The following GRM5 variants were observed in gnomAD, a reference collection of about 807,000 sequenced individuals.
The protein encoded by GRM5 is metabotropic glutamate receptor 5.
A neutral mutation model predicts 83.1 loss-of-function variants in GRM5; 19 were observed. That is an observed-to-expected ratio of 0.23 (90% confidence interval 0.16 to 0.34). The LOEUF (loss-of-function observed/expected upper bound fraction) is 0.34, where lower values mean the gene tolerates loss of function less well. Ranked by LOEUF, GRM5 falls within the 10% of genes least tolerant of loss-of-function variation. GRM5 has a pLI of 1.00. For missense variants in GRM5, 1,160 were observed against 1,588.3 expected (o/e 0.73, Z 4.58); for synonymous variants, 675 against 633.6 (o/e 1.07, Z -0.98).
chr11:88,934,922 G>A (rs988231910), intron 2 of GRM5, among the ~76,000 whole-genome samples: 1 of 151,904 alleles, frequency 6.6e-6, no homozygotes, highest in Non-Finnish European at 1.5e-5. Flanking sequence ...CAAATTCTAT[G>A]ATCTAAAGCT....
At chr11:89,042,158 T>C (rs1941550755) in intron 2 of GRM5, among the ~76,000 whole-genome samples, 2 of 152,148 alleles carry the variant, frequency 1.3e-5, no homozygotes, top group Admixed American at 1.3e-4. Flanking sequence ...AATTCTCCTG[T>C]GAAGGCTAAT....
chr11:88,693,609 G>A (rs1028075103), intron 3 of GRM5, among the ~76,000 whole-genome samples: 1 of 152,156 alleles, frequency 6.6e-6, no homozygotes, highest in Non-Finnish European at 1.5e-5. Flanking sequence ...ACCGATCACG[G>A]TACTAGGAGA....
intron 3 of GRM5, among the ~76,000 whole-genome samples, chr11:88,832,293 A>T (rs1303860586): frequency 1.3e-5 from 2 of 152,252 alleles, no homozygotes; most frequent in African/African-American, 4.8e-5. Context: ...GCAAAATTAA[A>T]ACTAAAATAC....
chr11:88,771,536 C>G (rs1430164660), intron 3 of GRM5, among the ~76,000 whole-genome samples: 2 of 152,098 alleles, frequency 1.3e-5, no homozygotes, highest in Non-Finnish European at 2.9e-5. Flanking sequence ...AGCCAGAAGA[C>G]AGCAAGCAAG....
At chr11:88,867,740 A>C (rs528895931) in intron 2 of GRM5, among the ~76,000 whole-genome samples, 2 of 151,820 alleles carry the variant, frequency 1.3e-5, no homozygotes, top group Admixed American at 6.6e-5. Context: ...CAAGGAGAAG[A>C]TGGCATCTAC....
At chr11:88,870,713 C>T (rs528670543) in intron 2 of GRM5, among the ~76,000 whole-genome samples, 246 of 151,490 alleles carry the variant, frequency 1.6e-3, no homozygotes, top group Non-Finnish European at 2.3e-3. Flanking sequence ...ATCTACAAAA[C>T]GACATTTTGG....
At chr11:88,613,837 C>T (rs1169419588) in intron 4 of GRM5, among the ~76,000 whole-genome samples, 50 of 152,122 alleles carry the variant, frequency 3.3e-4, no homozygotes, top group Non-Finnish European at 4.4e-5. Flanking sequence ...ATCATTTTCT[C>T]TAGACCTCTC....
At chr11:88,810,087 T>G (rs2135496226) in intron 3 of GRM5, among the ~76,000 whole-genome samples, 1 of 152,176 alleles carries the variant, frequency 6.6e-6, no homozygotes, top group South Asian at 2.1e-4. Context: ...GTGCTTTGAT[T>G]ATGCATCTAA....
At chr11:88,602,693 C>T (rs1938033554) in intron 5 of GRM5, among the ~76,000 whole-genome samples, 1 of 152,120 alleles carries the variant, frequency 6.6e-6, no homozygotes, top group Admixed American at 6.6e-5. Context: ...AGTTGAAGCC[C>T]AGGAGACAGA....
At chr11:88,886,080 G>C (rs773381618) in intron 2 of GRM5, among the ~76,000 whole-genome samples, 1 of 152,184 alleles carries the variant, frequency 6.6e-6, no homozygotes, top group Non-Finnish European at 1.5e-5. Flanking sequence ...GTATAAATCA[G>C]ACACTGCCTC....
intron 2 of GRM5, among the ~76,000 whole-genome samples, chr11:89,007,603 T>A (rs1436941586): frequency 6.6e-6 from 1 of 152,200 alleles, no homozygotes; most frequent in East Asian, 1.9e-4. Context: ...AAAGGTTTAT[T>A]TGTTTTATAC....
intron 2 of GRM5, among the ~76,000 whole-genome samples, chr11:89,017,138 G>T (rs1267450509): frequency 6.6e-6 from 1 of 151,980 alleles, no homozygotes; most frequent in African/African-American, 2.4e-5. Flanking sequence ...TATAAACTAA[G>T]CAAACGTTTG....
In GRM5 at chr11:88,508,775, G is replaced by A; in HGVS notation, c.3456C>T (p.Ala1152=). 1 of 1,478,332 alleles carries A rather than the reference G, an allele frequency of 6.8e-7. No individual in the cohort carries two copies. The highest frequency in any genetic ancestry group is 8.9e-7 in the Non-Finnish European group (1 of 1,121,584). The allele number at this position is 1,478,332 out of a possible 1,614,324, so 91.6% of individuals were successfully genotyped here. A position where few individuals can be genotyped will look rare whatever the true frequency, so the allele number is the denominator to read the frequency against. Residue 1152 remains alanine (A), a synonymous_variant, in exon 10 of 10, where the codon GCC becomes GCT. Coordinates refer to ENST00000305447, the MANE Select transcript of GRM5 (RefSeq NM_001143831.3). This position sits in a 1 kb window ranked among gnomAD's most constrained non-coding sequence, Gnocchi z 4.2. Reference sequence around the variant, plus strand: ...CCAGCTCCTCCAGGTCTGGCTTGGCGGCCGCAGCCTCGGGACCGGCCGCGG... The same window carrying A: ...CCAGCTCCTCCAGGTCTGGCTTGGCAGCCGCAGCCTCGGGACCGGCCGCGG... ...ESPAAGPEAA[A]AKPDLEELVA...
intron 3 of GRM5, among the ~76,000 whole-genome samples, chr11:88,837,174 A>G (rs1187755741): frequency 6.6e-6 from 1 of 152,184 alleles, no homozygotes; most frequent in African/African-American, 2.4e-5. Context: ...TAAATTATCT[A>G]TCTTGAAAAT....
At chr11:89,057,876 A>C (rs189694841) in intron 1 of GRM5, among the ~76,000 whole-genome samples, 35 of 152,274 alleles carry the variant, frequency 2.3e-4, no homozygotes, top group Admixed American at 1.8e-3. Flanking sequence ...AATAATGTAT[A>C]ATAATTATTT....
intron 3 of GRM5, among the ~76,000 whole-genome samples, chr11:88,732,190 C>T (rs1039175226): frequency 6.6e-6 from 1 of 152,002 alleles, no homozygotes; most frequent in African/African-American, 2.4e-5. Flanking sequence ...ATGTAGTCTC[C>T]TGTTTGACTG....
chr11:88,833,039 G>A (rs1193569281), intron 3 of GRM5, among the ~76,000 whole-genome samples: 1 of 151,964 alleles, frequency 6.6e-6, no homozygotes, highest in Non-Finnish European at 1.5e-5. Context: ...AAACACTTGA[G>A]GACATTGGGC....
chr11:88,783,623 T>C (rs1943014707), intron 3 of GRM5, among the ~76,000 whole-genome samples: 1 of 151,980 alleles, frequency 6.6e-6, no homozygotes, highest in Admixed American at 6.6e-5. Flanking sequence ...AATTCAAATG[T>C]TTTGTTTTCT....
At chr11:88,846,045 GCTT>G (rs1944299163) in intron 3 of GRM5, among the ~76,000 whole-genome samples, 1 of 152,134 alleles carries the variant, frequency 6.6e-6, no homozygotes, top group Non-Finnish European at 1.5e-5. Context: ...TCTAAGAAAT[GCTT>G]CTTATAATCC....
Sources: gnomAD v4.1 joint callset for allele counts (sites outside exome capture counted in the v4.1 genomes callset) on GRCh38, gnomAD v4.1.1 for gene constraint, Gnocchi (gnomAD v3.1) non-coding constraint, MANE v1.5 for transcripts, NCBI Gene and HGNC (gene_info 2026-07-23, HGNC 2026-07-21) for gene names.